Variants in TNFRSF21 observed in about 807,000 individuals in gnomAD.
TNFRSF21 encodes TNF receptor superfamily member 21, also known as tumor necrosis factor receptor superfamily member 21.
A neutral mutation model predicts 45.6 loss-of-function variants in TNFRSF21; 19 were observed. That is an observed-to-expected ratio of 0.42 (90% CI 0.29 to 0.61). The LOEUF is 0.61. TNFRSF21 is among the 20% of genes least tolerant of loss of function. The pLI is 0.23. For synonymous variants in TNFRSF21, 314 were observed against 335.5 expected, an observed-to-expected ratio of 0.94 and a Z score of 0.70; for missense variants, 737 against 851.5, an observed-to-expected ratio of 0.87 and a Z score of 1.67.
chr6:47,272,812 T>A (rs4543372), intron 3 of TNFRSF21, among the ~76,000 whole-genome samples: 1 of 152,004 alleles, frequency 6.6e-6, no homozygotes, highest in Admixed American at 6.5e-5. Flanking sequence ...ATTGATGCAA[T>A]AAAAAATGAT....
chr6:47,290,272 G>A (rs1762705313), intron 1 of TNFRSF21, among the ~76,000 whole-genome samples: 1 of 152,152 alleles, frequency 6.6e-6, no homozygotes, highest in Non-Finnish European at 1.5e-5. Flanking sequence ...ACTCTGATGT[G>A]CTGTGTGATC....
At chr6:47,269,202 C>CACACACAG (rs1353798138) in intron 3 of TNFRSF21, among the ~76,000 whole-genome samples, 4 of 151,262 alleles carry the variant, frequency 2.6e-5, no homozygotes, top group African/African-American at 9.8e-5. Context: ...CACAAACACA[C>CACACACAG]ACACACAGAC....
intron 4 of TNFRSF21, among the ~76,000 whole-genome samples, chr6:47,246,344 C>A (rs1764824882): frequency 1.3e-5 from 2 of 152,168 alleles, no homozygotes; most frequent in African/African-American, 4.8e-5. Flanking sequence ...ATTTACTGAG[C>A]CCCCTGCTCT....
intron 3 of TNFRSF21, among the ~76,000 whole-genome samples, chr6:47,258,964 G>A (rs1252649476): frequency 6.6e-6 from 1 of 152,178 alleles, no homozygotes; most frequent in African/African-American, 2.4e-5. Context: ...AAAAAAGTAG[G>A]CTGGATATGG....
rs34093099 is a variant in TNFRSF21 at position 47,232,624 on chromosome 6, AACACACAC to A, written c.*133_*140del. 464 of 562,936 alleles carry A rather than the reference AACACACAC, an allele frequency of 8.2e-4. No individual in the cohort carries two copies. The highest frequency in any genetic ancestry group is 7.8e-3 in the East Asian group (263 of 33,864). The allele number at this position is 562,936 out of a possible 1,614,324, so 34.9% of individuals were successfully genotyped here. The stretch of plus-strand genomic sequence containing the variant: ...CAAGCACTGGCCATATTCTCTGTTA[AACACACAC>A]ACACACACACACACACACACACACA... On this transcript the variant is annotated 3_prime_UTR_variant, in exon 6 of 6. Transcript: ENST00000296861.
rs573197897 is a variant in TNFRSF21, at chr6:47,245,597, A to G, written c.1509+7659T>C. On this transcript the variant is annotated intron_variant, in intron 4 of 5. Transcript: ENST00000296861. ...TATTTATTAAAATTCTATGATGCAT[A>G]TTTTTTTCACATTTTAACATCTCTG... 2.0e-5 allele frequency among the ~76,000 whole-genome samples: 3 copies of G among 151,940 alleles called. No individual in the cohort carries two copies. The East Asian group carries it at 5.8e-4, about 29-fold the overall frequency.
Position 47,234,882 on chromosome 6 carries a change from AGTTT to A in TNFRSF21, c.1522_1525del (p.Lys508Ter), listed in dbSNP as rs1184787951. The A allele has an allele frequency of 2.2e-6, 3 of 1,383,204 alleles. No individual in the cohort carries two copies. The highest frequency in any genetic ancestry group is 2.8e-6 in the Non-Finnish European group (3 of 1,068,028). The allele number at this position is 1,383,204 out of a possible 1,614,324, so 85.7% of individuals were successfully genotyped here. ...CGGGCTGGGGCTCATCGGGAGAGCT[AGTTT>A]GTCAGTTTCCAGCTGTAGGAGGGAA... On this transcript the variant is annotated frameshift_variant, in exon 5 of 6. Coordinates refer to ENST00000296861, the MANE Select transcript of TNFRSF21 (RefSeq NM_014452.5). LOFTEE classifies it high-confidence loss of function.
rs114294269 is a variant in TNFRSF21, at chr6:47,257,965, G to A, written c.1244-4444C>T. On this transcript the variant is annotated intron_variant, in intron 3 of 5. Coordinates refer to ENST00000296861, the MANE Select transcript of TNFRSF21 (RefSeq NM_014452.5). Reference sequence around the variant, plus strand: ...ATGCAGTGGAGGAACATTATTATTTGCTGGAATTATTCTCCTCAGGCATGG... The same window carrying A: ...ATGCAGTGGAGGAACATTATTATTTACTGGAATTATTCTCCTCAGGCATGG... Among the ~76,000 whole-genome samples, 321 of 152,310 alleles carry A rather than the reference G, an allele frequency of 2.1e-3. 2 individuals are homozygous for A. The highest frequency in any genetic ancestry group is 7.3e-3 in the African/African-American group (304 of 41,568).
At chr6:47,233,741 T>C (rs887621845) in intron 5 of TNFRSF21, among the ~76,000 whole-genome samples, 8 of 151,404 alleles carry the variant, frequency 5.3e-5, no homozygotes, top group African/African-American at 1.7e-4. Flanking sequence ...AATATGTAAA[T>C]ATAACATTTT....
intron 1 of TNFRSF21, among the ~76,000 whole-genome samples, chr6:47,289,682 G>T (rs567166734): frequency 3.3e-5 from 5 of 152,186 alleles, no homozygotes; most frequent in African/African-American, 1.2e-4. Context: ...CCCATCCTGT[G>T]GAACCCAAGT....
intron 3 of TNFRSF21, among the ~76,000 whole-genome samples, chr6:47,258,529 C>T (rs1376007651): frequency 6.6e-6 from 1 of 151,750 alleles, no homozygotes. Context: ...GCAGCCTCTG[C>T]CTCCTAGGTT....
intron 1 of TNFRSF21, among the ~76,000 whole-genome samples, chr6:47,307,917 A>G (rs1235810469): frequency 6.6e-6 from 1 of 152,122 alleles, no homozygotes; most frequent in African/African-American, 2.4e-5. Flanking sequence ...TGAAAAAGGA[A>G]ATGATGATAG....
chr6:47,300,762 C>G (rs1460353574), intron 1 of TNFRSF21, among the ~76,000 whole-genome samples: 3 of 152,174 alleles, frequency 2.0e-5, no homozygotes, highest in African/African-American at 7.2e-5. Context: ...TCCTTCTGTT[C>G]TTTAAAAGGC....
chr6:47,309,375 C>T (rs745692246), intron 1 of TNFRSF21, 41 bp downstream of exon 1: 2 of 1,513,212 alleles, frequency 1.3e-6, no homozygotes, highest in South Asian at 1.2e-5. Context: ...GTTCCTTCTG[C>T]TCCGGCGCCG....
chr6:47,239,810 T>C (rs61574651), intron 4 of TNFRSF21, among the ~76,000 whole-genome samples: 10,563 of 152,186 alleles, frequency 0.069, 397 homozygotes, highest in South Asian at 0.14. Context: ...TCAAATTATG[T>C]CTTATTTATT....
intron 3 of TNFRSF21, among the ~76,000 whole-genome samples, chr6:47,272,569 A>C (rs890225627): frequency 4.6e-5 from 7 of 152,248 alleles, no homozygotes; most frequent in African/African-American, 1.7e-4. Context: ...AGCAGGAAAG[A>C]TCTAAAATCA....
chr6:47,303,357 A>G (rs1016465270), intron 1 of TNFRSF21, among the ~76,000 whole-genome samples: 2 of 152,222 alleles, frequency 1.3e-5, no homozygotes, highest in Non-Finnish European at 2.9e-5. Flanking sequence ...AGTCTTAGGC[A>G]TAATTTTTAA....
At chr6:47,272,390 C>A (rs1029858413) in intron 3 of TNFRSF21, among the ~76,000 whole-genome samples, 1 of 152,212 alleles carries the variant, frequency 6.6e-6, no homozygotes, top group Admixed American at 6.5e-5. Context: ...TACATGGAAA[C>A]TGAATAACCT....
At chr6:47,241,587 G>A (rs572936637) in intron 4 of TNFRSF21, among the ~76,000 whole-genome samples, 8 of 152,184 alleles carry the variant, frequency 5.3e-5, no homozygotes, top group Admixed American at 2.0e-4. Flanking sequence ...GAAAGTCTTC[G>A]AAATGGGAAT....
Sources: gnomAD v4.1 joint callset for allele counts (sites outside exome capture counted in the v4.1 genomes callset) on GRCh38, gnomAD v4.1.1 for gene constraint, MANE v1.5 for transcripts, NCBI Gene and HGNC (gene_info 2026-07-23, HGNC 2026-07-21) for gene names.